The following FHIT variants were observed in gnomAD, a reference collection of about 807,000 sequenced individuals.
FHIT encodes the protein fragile histidine triad diadenosine triphosphatase, also known as bis(5'-adenosyl)-triphosphatase.
A neutral mutation model predicts 17.9 loss-of-function variants in FHIT; 19 were observed. The ratio of observed to expected loss-of-function variants is 1.06; its 90% CI spans 0.74 to 1.56. The LOEUF (loss-of-function observed/expected upper bound fraction) is 1.56. FHIT is among the 40% of genes most tolerant of loss of function. The probability of loss-of-function intolerance (pLI) is 0.00; values close to 1 mark genes in which losing one functional copy is unlikely to be tolerated. For missense variants in FHIT, 248 were observed against 189.2 expected (o/e 1.31, Z -1.82); for synonymous variants, 81 against 69.7 (o/e 1.16, Z -0.81).
intron 5 of FHIT, among the ~76,000 whole-genome samples, chr3:60,103,065 T>C (rs1432966650): frequency 6.6e-6 from 1 of 152,190 alleles, no homozygotes; most frequent in Non-Finnish European, 1.5e-5. Context: ...TGCTTCTTTT[T>C]AATAAAAGCT....
At position 60,082,459 on chromosome 3, in the gene FHIT, G is replaced by C. The variant is rs957935197; in HGVS notation, c.104-68307C>G. Reference sequence around the variant, plus strand: ...ATACAGGTAGATGTATCAGTTTGGTGGAACAGTTTCTTTTCTTTTGAATAT... The same window carrying C: ...ATACAGGTAGATGTATCAGTTTGGTCGAACAGTTTCTTTTCTTTTGAATAT... On this transcript the variant is annotated intron_variant, in intron 5 of 9. Coordinates refer to ENST00000492590, the MANE Select transcript of FHIT (RefSeq NM_002012.4). Among the ~76,000 whole-genome samples the C allele has an allele frequency of 3.3e-5, 5 of 151,934 alleles. No individual in the cohort carries two copies. In the South Asian group the frequency reaches 8.3e-4, roughly 25 times the overall value.
intron 5 of FHIT, among the ~76,000 whole-genome samples, chr3:60,433,851 C>A (rs1476050112): frequency 1.3e-5 from 2 of 152,012 alleles, no homozygotes; most frequent in Non-Finnish European, 2.9e-5. Flanking sequence ...TTCATTTTTT[C>A]TCCTATTCCA....
At chr3:61,170,374 TA>T (rs199873364) in intron 2 of FHIT, among the ~76,000 whole-genome samples, 4 of 151,640 alleles carry the variant, frequency 2.6e-5, no homozygotes, top group Admixed American at 6.6e-5. Flanking sequence ...CTGTAATCTT[TA>T]TTTTAACCTT....
intron 5 of FHIT, among the ~76,000 whole-genome samples, chr3:60,431,243 C>G: frequency 6.6e-6 from 1 of 151,662 alleles, no homozygotes; most frequent in African/African-American, 2.4e-5. Flanking sequence ...TGACCATTAA[C>G]TTCATTCTAT....
intron 4 of FHIT, among the ~76,000 whole-genome samples, chr3:60,820,751 T>C (rs1553739082): frequency 2.0e-5 from 3 of 152,186 alleles, no homozygotes. Context: ...TATCTTTGTG[T>C]TCTGGTACAT....
At chr3:60,178,495 A>G (rs1219632145) in intron 5 of FHIT, among the ~76,000 whole-genome samples, 1 of 152,150 alleles carries the variant, frequency 6.6e-6, no homozygotes, top group Non-Finnish European at 1.5e-5. Flanking sequence ...CTGAGGCAGC[A>G]GAATCACTTG....
chr3:60,494,977 G>A (rs1226550686), intron 5 of FHIT, among the ~76,000 whole-genome samples: 1 of 152,054 alleles, frequency 6.6e-6, no homozygotes, highest in African/African-American at 2.4e-5. Flanking sequence ...ACTTCCTTTG[G>A]GTATATATCC....
intron 5 of FHIT, among the ~76,000 whole-genome samples, chr3:60,368,659 A>T (rs1411098027): frequency 6.6e-6 from 1 of 151,974 alleles, no homozygotes; most frequent in Non-Finnish European, 1.5e-5. Flanking sequence ...GATAATCAGA[A>T]GGTTTTTATT....
intron 5 of FHIT, among the ~76,000 whole-genome samples, chr3:60,277,129 A>G (rs905899391): frequency 3.3e-5 from 5 of 152,182 alleles, no homozygotes; most frequent in African/African-American, 1.2e-4. Context: ...AAAGCAGTGA[A>G]AACATTTAAA....
rs201914746 is a variant in FHIT at position 60,383,885 on chromosome 3, GAC to G, written c.103+152973_103+152974del. 9.5e-3 allele frequency among the ~76,000 whole-genome samples: 1,438 copies of G among 152,102 alleles called. 27 individuals carry two copies. Among genetic ancestry groups the G allele is most frequent in the African/African-American group, 0.033 (1,363 of 41,464 alleles). The stretch of plus-strand genomic sequence containing the variant: ...GGGTCAAGTTCTCACTGTCAAAAAA[GAC>G]ATATTAATTGCAAAAAAGCAAAAAC... On this transcript the variant is annotated intron_variant, in intron 5 of 9. Transcript: ENST00000492590.
At chr3:60,123,524 GT>G (rs1461874506) in intron 5 of FHIT, among the ~76,000 whole-genome samples, 1 of 152,124 alleles carries the variant, frequency 6.6e-6, no homozygotes, top group Admixed American at 6.6e-5. Context: ...AAGCAAATGT[GT>G]TATATACTCT....
chr3:60,003,858 CTTTT>C (rs35165735), intron 7 of FHIT, among the ~76,000 whole-genome samples: 1 of 144,996 alleles, frequency 6.9e-6, no homozygotes, highest in African/African-American at 2.6e-5. Flanking sequence ...ATTTATTTTA[CTTTT>C]TTTTTTTTTT....
chr3:61,150,953 T>C (rs1325484460), intron 2 of FHIT, among the ~76,000 whole-genome samples: 2 of 152,266 alleles, frequency 1.3e-5, no homozygotes, highest in Admixed American at 1.3e-4. Context: ...GAAAGCATTT[T>C]TTTTATATTT....
At chr3:60,902,263 C>G (rs180796018) in intron 3 of FHIT, among the ~76,000 whole-genome samples, 4 of 152,228 alleles carry the variant, frequency 2.6e-5, no homozygotes, top group African/African-American at 9.6e-5. Flanking sequence ...AATCATAAAC[C>G]ATTTATGTCT....
Position 61,080,520 on chromosome 3 carries a change from A to C in FHIT, c.-163-38421T>G, listed in dbSNP as rs144601739. On this transcript the variant is annotated intron_variant, in intron 2 of 9. Coordinates refer to ENST00000492590, the MANE Select transcript of FHIT (RefSeq NM_002012.4). The stretch of plus-strand genomic sequence containing the variant: ...ATTACTATTTTTAATAAGTAGAAAT[A>C]GCTTTTGTGCTAAGAAAAGAAAAAT... Among the ~76,000 whole-genome samples, 1,431 of 152,338 alleles carry C rather than the reference A, an allele frequency of 9.4e-3. 12 individuals are homozygous for C. Among genetic ancestry groups the C allele is most frequent in the Non-Finnish European group, 0.016 (1,088 of 68,028 alleles).
intron 3 of FHIT, among the ~76,000 whole-genome samples, chr3:60,969,526 G>A (rs1709906319): frequency 6.6e-6 from 1 of 151,874 alleles, no homozygotes; most frequent in Non-Finnish European, 1.5e-5. Context: ...CAACATCAAA[G>A]CTTGATATGT....
At chr3:60,069,224 G>A (rs1160950180) in intron 5 of FHIT, among the ~76,000 whole-genome samples, 1 of 152,088 alleles carries the variant, frequency 6.6e-6, no homozygotes, top group Non-Finnish European at 1.5e-5. Context: ...AGGAAGTAGA[G>A]AAATTTCATA....
At chr3:59,790,490 T>TTCTCTCTCTCTCTCTTTCTCTCTC (rs1699501871) in intron 8 of FHIT, among the ~76,000 whole-genome samples, 1 of 147,950 alleles carries the variant, frequency 6.8e-6, no homozygotes, top group Non-Finnish European at 1.5e-5. Flanking sequence ...TGTTCATTGC[T>TTCTCTCTCTCTCTCTTTCTCTCTC]TCTCTCTCTC....
At chr3:59,835,728 C>A (rs1239608652) in intron 8 of FHIT, among the ~76,000 whole-genome samples, 1 of 152,176 alleles carries the variant, frequency 6.6e-6, no homozygotes, top group African/African-American at 2.4e-5. Flanking sequence ...TGAGAAGACT[C>A]TCTTTGAGGT....
Sources: gnomAD v4.1 joint callset for allele counts (sites outside exome capture counted in the v4.1 genomes callset) on GRCh38, gnomAD v4.1.1 for gene constraint, MANE v1.5 for transcripts, NCBI Gene and HGNC (gene_info 2026-07-23, HGNC 2026-07-21) for gene names.